EEFSEC: variants seen among roughly 807,000 people sequenced by gnomAD.
EEFSEC encodes the protein selenocysteine-specific elongation factor.
A neutral mutation model predicts 42.1 loss-of-function variants in EEFSEC; 43 were observed. The observed-to-expected ratio is 1.02, with a 90% CI of 0.80 to 1.32. The LOEUF is 1.32. Among genes scored for constraint, EEFSEC ranks in the 40% most tolerant of loss-of-function variants. The pLI, the probability that EEFSEC is intolerant of heterozygous loss-of-function variation, is 0.00. For synonymous variants in EEFSEC, 354 were observed against 339.1 expected (o/e 1.04, Z -0.48); for missense variants, 745 against 803.6 (o/e 0.93, Z 0.88).
chr3:128,292,812 CT>C (rs2054438222), intron 4 of EEFSEC, among the ~76,000 whole-genome samples: 1 of 151,616 alleles, frequency 6.6e-6, no homozygotes, highest in Non-Finnish European at 1.5e-5. Context: ...GATTTCTCCT[CT>C]TTATTATTTC....
intron 1 of EEFSEC, among the ~76,000 whole-genome samples, chr3:128,184,929 G>A (rs2065449472): frequency 6.6e-6 from 1 of 152,130 alleles, no homozygotes; most frequent in Non-Finnish European, 1.5e-5. Context: ...CCAGCATTTT[G>A]GGAGGCTGAA....
chr3:128,217,347 C>T (rs547271670), intron 1 of EEFSEC, among the ~76,000 whole-genome samples: 2 of 152,262 alleles, frequency 1.3e-5, no homozygotes, highest in African/African-American at 4.8e-5. Context: ...GGTTCAGTGT[C>T]ACCCAAGGGT....
chr3:128,371,384 C>A (rs1409503562), intron 6 of EEFSEC, among the ~76,000 whole-genome samples: 2 of 152,180 alleles, frequency 1.3e-5, no homozygotes, highest in African/African-American at 2.4e-5. Context: ...TTGTGCCCTG[C>A]AGGGTGTTTG....
chr3:128,282,359 C>G (rs1304123103), intron 4 of EEFSEC, among the ~76,000 whole-genome samples: 1 of 152,236 alleles, frequency 6.6e-6, no homozygotes, highest in Non-Finnish European at 1.5e-5. Context: ...GGATGTTTGG[C>G]TTGACCAAAT....
intron 1 of EEFSEC, among the ~76,000 whole-genome samples, chr3:128,233,169 AGAGTGAGTTCC>A (rs2065975869): frequency 1.3e-5 from 2 of 152,238 alleles, no homozygotes; most frequent in African/African-American, 4.8e-5. Context: ...CCTTTTCGGC[AGAGTGAGTTCC>A]AGGCTCAGTG....
chr3:128,411,967 C>T (rs548734467), downstream of EEFSEC, among the ~76,000 whole-genome samples: 2 of 152,320 alleles, frequency 1.3e-5, no homozygotes, highest in South Asian at 2.1e-4. Context: ...ATGTCTCAGA[C>T]GTGTCTGCAT....
intron 4 of EEFSEC, among the ~76,000 whole-genome samples, chr3:128,273,270 G>A (rs1404487465): frequency 6.6e-6 from 1 of 152,172 alleles, no homozygotes; most frequent in African/African-American, 2.4e-5. Flanking sequence ...CACACCTGCA[G>A]CCAAGTTGTA....
intron 4 of EEFSEC, among the ~76,000 whole-genome samples, chr3:128,315,748 G>C (rs1354851976): frequency 6.6e-6 from 1 of 152,130 alleles, no homozygotes; most frequent in Non-Finnish European, 1.5e-5. Flanking sequence ...GTGTCACCTT[G>C]GCAGGGTTTA....
intron 6 of EEFSEC, among the ~76,000 whole-genome samples, chr3:128,361,958 AT>A (rs1288184428): frequency 6.6e-6 from 1 of 152,112 alleles, no homozygotes; most frequent in African/African-American, 2.4e-5. Context: ...TGTTATCTCC[AT>A]CTCACAGGTG....
At chr3:128,313,421 G>C (rs1253667795) in intron 4 of EEFSEC, among the ~76,000 whole-genome samples, 1 of 152,234 alleles carries the variant, frequency 6.6e-6, no homozygotes, top group Non-Finnish European at 1.5e-5. Context: ...GCCACGGGTG[G>C]CATGTTGCAT....
chr3:128,330,779 C>G (rs1272378728), intron 4 of EEFSEC, among the ~76,000 whole-genome samples: 1 of 146,738 alleles, frequency 6.8e-6, no homozygotes, highest in African/African-American at 2.6e-5. Flanking sequence ...CCCTCTTCCC[C>G]CTTCCTCAGT....
At chr3:128,232,279 GA>G (rs1163050920) in intron 1 of EEFSEC, among the ~76,000 whole-genome samples, 1 of 151,960 alleles carries the variant, frequency 6.6e-6, no homozygotes, top group African/African-American at 2.4e-5. Flanking sequence ...GAACCTCAAA[GA>G]ATTTAAAATA....
intron 1 of EEFSEC, among the ~76,000 whole-genome samples, chr3:128,186,100 C>T (rs2811482): frequency 0.42 from 64,455 of 151,998 alleles, 16,388 homozygotes; most frequent in African/African-American, 0.71. Flanking sequence ...CCAACACTTG[C>T]TATTGTCTGT....
rs149135097 is a variant in EEFSEC at position 128,187,386 on chromosome 3, G to A, written c.316+33563G>A. 2.3e-3 allele frequency among the ~76,000 whole-genome samples: 345 copies of A among 152,314 alleles called. 1 individual carries two copies. The highest frequency in any genetic ancestry group is 7.6e-3 in the African/African-American group (314 of 41,578). The stretch of plus-strand genomic sequence containing the variant: ...TAGACCAGAGAGAAGGCTGGGAGCT[G>A]TTCTGCTTCTGGGCTTTCCCAGAGC... On this transcript the variant is annotated intron_variant, in intron 1 of 6. Coordinates refer to ENST00000254730, the MANE Select transcript of EEFSEC (RefSeq NM_021937.5).
At chr3:128,389,263 C>T (rs542209342) in intron 6 of EEFSEC, among the ~76,000 whole-genome samples, 2 of 152,250 alleles carry the variant, frequency 1.3e-5, no homozygotes, top group Non-Finnish European at 2.9e-5. Flanking sequence ...AGGAGGAAGA[C>T]AAGCCAGGCC....
At chr3:128,257,170 G>C (rs2066249663) in intron 2 of EEFSEC, among the ~76,000 whole-genome samples, 1 of 152,196 alleles carries the variant, frequency 6.6e-6, no homozygotes. Flanking sequence ...TTCTATCCAA[G>C]TGTGGCATAC....
At chr3:128,349,051 A>G (rs1411783132) in intron 5 of EEFSEC, among the ~76,000 whole-genome samples, 3 of 152,212 alleles carry the variant, frequency 2.0e-5, no homozygotes, top group African/African-American at 7.2e-5. Context: ...TTCACTGCAC[A>G]GACACTAGGG....
At chr3:128,350,779 C>G (rs1264232169) in intron 5 of EEFSEC, among the ~76,000 whole-genome samples, 1 of 152,218 alleles carries the variant, frequency 6.6e-6, no homozygotes, top group Non-Finnish European at 1.5e-5. Context: ...TCACTCTCCC[C>G]CAGAACCTGT....
intron 6 of EEFSEC, among the ~76,000 whole-genome samples, chr3:128,382,434 C>T (rs369504479): frequency 6.6e-6 from 1 of 152,224 alleles, no homozygotes; most frequent in Non-Finnish European, 1.5e-5. Flanking sequence ...GGTGCGCCTA[C>T]GTCTATGTGT....
Sources: gnomAD v4.1 joint callset for allele counts (sites outside exome capture counted in the v4.1 genomes callset) on GRCh38, gnomAD v4.1.1 for gene constraint, MANE v1.5 for transcripts, NCBI Gene and HGNC (gene_info 2026-07-23, HGNC 2026-07-21) for gene names.